ARHGDIA: variants seen among roughly 807,000 people sequenced by gnomAD.
ARHGDIA encodes the protein Rho GDP dissociation inhibitor alpha, also known as rho GDP-dissociation inhibitor 1.
A neutral mutation model predicts 25.0 loss-of-function variants in ARHGDIA; 9 were observed. That is an observed-to-expected ratio of 0.36 (90% CI 0.22 to 0.63). ARHGDIA has a LOEUF of 0.63. Among genes scored for constraint, ARHGDIA ranks in the 20% least tolerant of loss-of-function variants. ARHGDIA has a pLI of 0.69. For synonymous variants in ARHGDIA, 166 were observed against 111.5 expected (o/e 1.49, Z -3.08); for missense variants, 239 against 264.3 (o/e 0.90, Z 0.66).
In ARHGDIA at chr17:81,869,946, G is replaced by A; in HGVS notation, c.-16C>T. On this transcript the variant is annotated 5_prime_UTR_variant, in exon 2 of 6. Coordinates refer to ENST00000269321, the MANE Select transcript of ARHGDIA (RefSeq NM_004309.6). ...GCTCAGCCATGCTCAAGCTTAGCCT[G>A]GGTCGGGACACCTGTGGGCGGGACG... 1.2e-6 allele frequency: 2 copies of A among 1,611,572 alleles called. No homozygotes were observed. The highest frequency in any genetic ancestry group is 1.7e-6 in the Non-Finnish European group (2 of 1,179,898).
At position 81,868,589 on chromosome 17, in the gene ARHGDIA, G is replaced by A. The variant is rs1330899487; in HGVS notation, c.*287C>T. 2.6e-6 allele frequency: 4 copies of A among 1,535,576 alleles called. No homozygotes were observed. Among genetic ancestry groups the A allele is most frequent in the African/African-American group, 1.4e-5 (1 of 73,160 alleles). The stretch of plus-strand genomic sequence containing the variant: ...GGTGTGACGGGGAGATAGAACCTGG[G>A]GGGCACAGAAAGGGCAGCAGAGGCC... On this transcript the variant is annotated 3_prime_UTR_variant, in exon 6 of 6. Coordinates refer to ENST00000269321, the MANE Select transcript of ARHGDIA (RefSeq NM_004309.6).
Position 81,868,952 on chromosome 17 carries a change from C to A in ARHGDIA, c.539G>T (p.Arg180Leu), listed in dbSNP as rs764941554. Residue 180 changes from arginine to leucine, a missense_variant, in exon 6 of 6, where the codon CGC becomes CTC. Arg to Leu is a moderately radical substitution (Grantham distance 102). This residue lies in a region of ARHGDIA where 75 missense variants were observed against 122.4 expected (regional missense o/e 0.61). Transcript: ENST00000269321. ...LARGSYSIKSRFTDDDKTDHL... is the reference protein window; with the variant it reads ...LARGSYSIKSLFTDDDKTDHL... ...GTCGGTCTTGTCGTCGTCTGTGAAG[C>A]GGGACTTGATGCTGTAGCTGCCCCG... is the stretch of plus-strand genomic sequence containing the variant. The A allele has an allele frequency of 1.2e-6, 2 of 1,613,812 alleles. No homozygotes were observed. Among genetic ancestry groups the A allele is most frequent in the African/African-American group, 1.3e-5 (1 of 75,004 alleles).
Position 81,868,553 on chromosome 17 carries a change from G to T in ARHGDIA, c.*323C>A. On this transcript the variant is annotated 3_prime_UTR_variant, in exon 6 of 6. Transcript: ENST00000269321. ...AATGGCTGCTCCGCTCCCTCCTGAA[G>T]CCAGGCCTCGGGTGTGACGGGGAGA... The T allele has an allele frequency of 6.5e-7, 1 of 1,534,774 alleles. No individual in the cohort carries two copies.
chr17:81,868,927 G>T lies in ARHGDIA; in HGVS notation c.564C>A (p.Asp188Glu). 1 of 1,613,758 alleles carries T rather than the reference G, an allele frequency of 6.2e-7. No homozygotes were observed. The highest frequency in any genetic ancestry group is 8.5e-7 in the Non-Finnish European group (1 of 1,179,956). Residue 188 changes from aspartate to glutamate, a missense_variant, in exon 6 of 6, where the codon GAC (aspartate) becomes GAA (glutamate). This residue lies in a region of ARHGDIA where 29 missense variants were observed against 22.0 expected (regional missense o/e 1.32). Transcript: ENST00000269321. ...TGAGATTCCACTCCCAGGACAGGTG[G>T]TCGGTCTTGTCGTCGTCTGTGAAGC... Reference protein sequence around the residue: ...KSRFTDDDKTDHLSWEWNLTI... With the variant: ...KSRFTDDDKTEHLSWEWNLTI...
In ARHGDIA at chr17:81,868,481, C is replaced by T; in HGVS notation, c.*395G>A. On this transcript the variant is annotated 3_prime_UTR_variant, in exon 6 of 6. Coordinates refer to ENST00000269321, the MANE Select transcript of ARHGDIA (RefSeq NM_004309.6). ...GTGCATCCCACACCCCAGCTCCACC[C>T]CGGAGCAGCAGACGCACACGTCCAG... is the stretch of plus-strand genomic sequence containing the variant. 1 of 1,523,124 alleles carries T rather than the reference C, an allele frequency of 6.6e-7. No homozygotes were observed. Among genetic ancestry groups the T allele is most frequent in the Non-Finnish European group, 8.8e-7 (1 of 1,138,956 alleles). 94.4% of individuals were successfully genotyped at this position (1,523,124 alleles called of 1,614,324 possible).
rs199932528 is a variant in ARHGDIA at position 81,869,422 on chromosome 17, C to A, written c.275-16G>T. The A allele has an allele frequency of 1.2e-6, 2 of 1,613,078 alleles. No homozygotes were observed. Among genetic ancestry groups the A allele is most frequent in the African/African-American group, 2.7e-5 (2 of 74,768 alleles). Reference sequence around the variant, plus strand: ...TCCAGGTCGCCTGTTGGGGGGACCTCCCCCTCAATGACTGCCCAGCAGCCC... The same window carrying A: ...TCCAGGTCGCCTGTTGGGGGGACCTACCCCTCAATGACTGCCCAGCAGCCC... On this transcript the variant is annotated splice_polypyrimidine_tract_variant and intron_variant, in intron 3 of 5. Coordinates refer to ENST00000269321, the MANE Select transcript of ARHGDIA (RefSeq NM_004309.6).
chr17:81,869,863 T>C lies in ARHGDIA; in HGVS notation c.68A>G (p.His23Arg). 1 of 1,614,070 alleles carries C rather than the reference T, an allele frequency of 6.2e-7. No homozygotes were observed. Among genetic ancestry groups the C allele is most frequent in the East Asian group, 2.2e-5 (1 of 44,882 alleles). Reference sequence around the variant, plus strand: ...GGCCGGGGGCTTGTAGTTGACCGAGTGCTCATCCTCCTCGTTCTCCGCTGC... The same window carrying C: ...GGCCGGGGGCTTGTAGTTGACCGAGCGCTCATCCTCCTCGTTCTCCGCTGC... ...QIAAENEEDE[H>R]SVNYKPPAQK... Residue 23 changes from histidine to arginine, a missense_variant, in exon 2 of 6, where the codon CAC becomes CGC. By Grantham distance (29) the His-to-Arg change is conservative. Around this residue, in one of 3 missense-constraint regions of ARHGDIA, gnomAD observed 135 missense variants for 119.8 expected, o/e 1.13. Transcript: ENST00000269321.
chr17:81,869,244 A>AC lies in ARHGDIA; in HGVS notation c.352-9dup, dbSNP rs1205003656. On this transcript the variant is annotated splice_polypyrimidine_tract_variant and intron_variant, in intron 4 of 5. Coordinates refer to ENST00000269321, the MANE Select transcript of ARHGDIA (RefSeq NM_004309.6). ...CACTATCTCTCGGTTAACCTGCAGG[A>AC]CCCGAAGCGAGGATCAGGGAAGGTC... is the stretch of plus-strand genomic sequence containing the variant. 2 of 1,613,638 alleles carry AC rather than the reference A, an allele frequency of 1.2e-6. No individual in the cohort carries two copies. The highest frequency in any genetic ancestry group is 2.7e-5 in the African/African-American group (2 of 74,750).
chr17:81,868,532 G>A lies in ARHGDIA; in HGVS notation c.*344C>T. 6.5e-7 allele frequency: 1 copy of A among 1,531,920 alleles called. No individual in the cohort carries two copies. The highest frequency in any genetic ancestry group is 8.7e-7 in the Non-Finnish European group (1 of 1,144,232). 94.9% of individuals were successfully genotyped at this position (1,531,920 alleles called of 1,614,324 possible). A position where few individuals can be genotyped will look rare whatever the true frequency, so the allele number is the denominator to read the frequency against. On this transcript the variant is annotated 3_prime_UTR_variant, in exon 6 of 6. Coordinates refer to ENST00000269321, the MANE Select transcript of ARHGDIA (RefSeq NM_004309.6). ...GGGCAACCACGGGGCCTGGAGAATGGCTGCTCCGCTCCCTCCTGAAGCCAG... is the reference window on the plus strand; with the variant it reads ...GGGCAACCACGGGGCCTGGAGAATGACTGCTCCGCTCCCTCCTGAAGCCAG...
chr17:81,871,250 G>T, intron 1 of ARHGDIA, 48 bp downstream of exon 1: 1 of 128,360 alleles, frequency 7.8e-6, no homozygotes, highest in South Asian at 2.7e-4. Context: ...TCCCCGCCCC[G>T]ACCCGCCGCC....
In ARHGDIA at chr17:81,869,877, G is replaced by C; in HGVS notation, c.54C>G (p.Asn18Lys). The change falls in exon 2 of 6, where the codon AAC becomes AAG. Residue 18 changes from asparagine to lysine, a missense_variant. By Grantham distance (94) the Asn-to-Lys change is moderately conservative. Coordinates refer to ENST00000269321, the MANE Select transcript of ARHGDIA (RefSeq NM_004309.6). ...AEQLAQIAAE[N>K]EEDEHSVNYK... Reference sequence around the variant, plus strand: ...AGTTGACCGAGTGCTCATCCTCCTCGTTCTCCGCTGCAATCTGGGCCAGCT... The same window carrying C: ...AGTTGACCGAGTGCTCATCCTCCTCCTTCTCCGCTGCAATCTGGGCCAGCT... The C allele has an allele frequency of 6.2e-7, 1 of 1,613,952 alleles. No homozygotes were observed. The highest frequency in any genetic ancestry group is 8.5e-7 in the Non-Finnish European group (1 of 1,179,998).
chr17:81,869,621 G>A lies in ARHGDIA; in HGVS notation c.195C>T (p.Pro65=), dbSNP rs766153339. ...LLGRVAVSAD[P]NVPNVVVTGL... ...CAGTCACCACGACGTTGGGGACGTT[G>A]GGGTCTGGGGAGTGACAGCAGGTGA... The change falls in exon 3 of 6, where the codon CCC becomes CCT. Residue 65 remains proline (P), a synonymous_variant. Coordinates refer to ENST00000269321, the MANE Select transcript of ARHGDIA (RefSeq NM_004309.6). The A allele has an allele frequency of 9.9e-6, 15 of 1,513,888 alleles. No individual in the cohort carries two copies. In the South Asian group the frequency reaches 1.8e-4, roughly 19 times the overall value. 93.8% of individuals were successfully genotyped at this position (1,513,888 alleles called of 1,614,324 possible).
rs1452644513 is a variant in ARHGDIA at position 81,869,044 on chromosome 17, A to G, written c.447T>C (p.Tyr149=). Residue 149 remains tyrosine, a synonymous_variant, in exon 6 of 6, where the codon TAT becomes TAC. Transcript: ENST00000269321. ...IDKTDYMVGS[Y]GPRAEEYEFL... The stretch of plus-strand genomic sequence containing the variant: ...ACTCGTACTCCTCGGCCCGGGGCCC[A>G]TAGCTGCCTACCATGTAGTCAGTCT... 4.3e-6 allele frequency: 7 copies of G among 1,613,136 alleles called. No individual in the cohort carries two copies. The African/African-American group carries it at 8.0e-5, about 18-fold the overall frequency.
At position 81,869,637 on chromosome 17, in the gene ARHGDIA, C is replaced by T. The variant is rs575313894; in HGVS notation, c.191-12G>A. ...GGGGACGTTGGGGTCTGGGGAGTGA[C>T]AGCAGGTGAGGGCCCCACCCCCACC... On this transcript the variant is annotated splice_polypyrimidine_tract_variant and intron_variant, in intron 2 of 5. Transcript: ENST00000269321. 11 of 1,517,636 alleles carry T rather than the reference C, an allele frequency of 7.2e-6. No individual in the cohort carries two copies. The highest frequency in any genetic ancestry group is 9.7e-6 in the Non-Finnish European group (11 of 1,133,804). The allele number at this position is 1,517,636 out of a possible 1,614,324, so 94.0% of individuals were successfully genotyped here.
intron 2 of ARHGDIA, 30 bp from the exon 3 acceptor site, chr17:81,869,655 C>T: frequency 6.5e-7 from 1 of 1,527,458 alleles, no homozygotes; most frequent in Middle Eastern, 1.7e-4. Flanking sequence ...GAGGGCCCCA[C>T]CCCCACCAGT....
At chr17:81,871,091 C>A in intron 1 of ARHGDIA, 1 of 147,766 alleles carries the variant, frequency 6.8e-6, no homozygotes, top group South Asian at 1.9e-4. Context: ...GCCGCCCGGT[C>A]CCGCCCCGGC....
In ARHGDIA at chr17:81,869,765, G is replaced by T; in HGVS notation, c.166C>A (p.Leu56Met). The T allele has an allele frequency of 1.2e-6, 2 of 1,613,660 alleles. No individual in the cohort carries two copies. Among genetic ancestry groups the T allele is most frequent in the Non-Finnish European group, 1.7e-6 (2 of 1,179,896 alleles). The change falls in exon 2 of 6, where the codon CTG (leucine) becomes ATG (methionine). Residue 56 changes from leucine to methionine, a missense_variant. By Grantham distance (15) the Leu-to-Met change is conservative. Transcript: ENST00000269321. ...ESLRKYKEAL[L>M]GRVAVSADPN... ...CCTGCGGAAACGGCCACGCGGCCCA[G>T]CAGGGCCTCCTTGTACTTTCGCAGG...
intron 1 of ARHGDIA, chr17:81,870,246 C>T: frequency 2.7e-6 from 1 of 373,566 alleles, no homozygotes; most frequent in Admixed American, 4.1e-5. Flanking sequence ...ATGTGTGGGG[C>T]GGGGCTAGCA....
chr17:81,871,166 C>G (rs2039286070), intron 1 of ARHGDIA, 132 bp downstream of exon 1: 2 of 146,182 alleles, frequency 1.4e-5, no homozygotes, highest in Admixed American at 6.8e-5. Flanking sequence ...GACCCTGCCG[C>G]GGGCTCAGGG....
Sources: allele counts gnomAD v4.1 joint callset, GRCh38; gene constraint gnomAD v4.1.1; regional missense constraint gnomAD v4.1.1; transcripts MANE v1.5; gene names NCBI Gene and HGNC (gene_info 2026-07-23, HGNC 2026-07-21).